Variants in SLIT3 observed in about 807,000 individuals in gnomAD.
SLIT3 encodes the protein slit homolog 3 protein.
A neutral mutation model predicts 184.0 loss-of-function variants in SLIT3; 68 were observed. The observed-to-expected ratio is 0.37, with a 90% confidence interval of 0.30 to 0.45. SLIT3 has a LOEUF of 0.45. Ranked by LOEUF, SLIT3 falls within the 20% of genes least tolerant of loss-of-function variation. The pLI is 1.00. For missense variants in SLIT3, 1,707 were observed against 2,026.0 expected, an observed-to-expected ratio of 0.84 and a Z score of 3.02; for synonymous variants, 831 against 828.6, an observed-to-expected ratio of 1.00 and a Z score of -0.05.
rs943968205 is a variant in SLIT3 at position 169,161,814 on chromosome 5, G to A, written c.413+31665C>T. The stretch of plus-strand genomic sequence containing the variant: ...AGGGTGGGGCCTCAGGAGCCAGGCT[G>A]TCTGGATTATAGCCCAGCTCTGCAC... On this transcript the variant is annotated intron_variant, in intron 4 of 35. Coordinates refer to ENST00000519560, the MANE Select transcript of SLIT3 (RefSeq NM_003062.4). Among the ~76,000 whole-genome samples, 8 of 152,306 alleles carry A rather than the reference G, an allele frequency of 5.3e-5. 1 individual carries two copies. Among genetic ancestry groups the A allele is most frequent in the Admixed American group, 6.5e-5 (1 of 15,302 alleles).
chr5:169,168,988 T>A (rs1434919874), intron 4 of SLIT3, among the ~76,000 whole-genome samples: 1 of 152,196 alleles, frequency 6.6e-6, no homozygotes, highest in African/African-American at 2.4e-5. Flanking sequence ...AGGCATTCAC[T>A]TAGGATTCAT....
At chr5:169,208,658 A>G (rs1227843476) in intron 3 of SLIT3, among the ~76,000 whole-genome samples, 2 of 152,240 alleles carry the variant, frequency 1.3e-5, no homozygotes, top group Non-Finnish European at 2.9e-5. Context: ...GAACGTTGAC[A>G]AACCTAACAA....
chr5:168,746,450 CAGTGTGTGGTGGTGTGCGGT>C (rs1763821207), intron 20 of SLIT3, among the ~76,000 whole-genome samples: 1 of 41,590 alleles, frequency 2.4e-5, no homozygotes, highest in Non-Finnish European at 4.4e-5. Flanking sequence ...GTGGGTGTGG[CAGTGTGTGGTGGTGTGCGGT>C]GGTGTGGGTG....
intron 4 of SLIT3, among the ~76,000 whole-genome samples, chr5:169,102,606 C>T (rs1760061662): frequency 6.6e-6 from 1 of 151,912 alleles, no homozygotes; most frequent in Non-Finnish European, 1.5e-5. Context: ...TTTTGATCTG[C>T]AGTTGGTTGA....
chr5:169,155,729 C>T (rs1047106516), intron 4 of SLIT3, among the ~76,000 whole-genome samples: 3 of 152,218 alleles, frequency 2.0e-5, no homozygotes, highest in Admixed American at 2.0e-4. Flanking sequence ...AGGCATAGCC[C>T]TCCAATTCTC....
intron 4 of SLIT3, among the ~76,000 whole-genome samples, chr5:168,976,940 C>G (rs1263771388): frequency 6.6e-6 from 1 of 152,142 alleles, no homozygotes; most frequent in Non-Finnish European, 1.5e-5. Flanking sequence ...AGCCAACACA[C>G]ACCAGGGAGG....
intron 3 of SLIT3, among the ~76,000 whole-genome samples, chr5:169,194,050 T>G (rs1261374279): frequency 6.6e-6 from 1 of 151,778 alleles, no homozygotes; most frequent in Non-Finnish European, 1.5e-5. Flanking sequence ...TTGGGCAACA[T>G]GGTGAAACCC....
chr5:168,941,184 G>C (rs919826735), intron 4 of SLIT3, among the ~76,000 whole-genome samples: 1 of 152,120 alleles, frequency 6.6e-6, no homozygotes, highest in Non-Finnish European at 1.5e-5. Flanking sequence ...CTTCCACAAA[G>C]TTTGGGATTG....
chr5:169,077,663 T>G (rs1226348199), intron 4 of SLIT3, among the ~76,000 whole-genome samples: 1 of 152,072 alleles, frequency 6.6e-6, no homozygotes, highest in Non-Finnish European at 1.5e-5. Context: ...TTTCGGGGAG[T>G]CAAAAGTTAA....
At chr5:168,708,126 T>C in intron 25 of SLIT3, 26 bp from the exon 26 acceptor site, 2 of 1,614,140 alleles carry the variant, frequency 1.2e-6, no homozygotes, top group Non-Finnish European at 1.7e-6. Context: ...AGAGTACTGA[T>C]GGCAGGTCCT....
intron 4 of SLIT3, among the ~76,000 whole-genome samples, chr5:169,129,173 A>G (rs778995489): frequency 4.6e-5 from 7 of 152,182 alleles, no homozygotes; most frequent in Non-Finnish European, 7.4e-5. Flanking sequence ...TTTTTGCACC[A>G]GGAGAGCACG....
intron 14 of SLIT3, among the ~76,000 whole-genome samples, chr5:168,767,044 C>A (rs1348259033): frequency 6.6e-6 from 1 of 152,198 alleles, no homozygotes; most frequent in East Asian, 1.9e-4. Context: ...AGTTAGCTAA[C>A]CTCTCTGAGC....
chr5:169,066,825 A>G (rs1038242653), intron 4 of SLIT3, among the ~76,000 whole-genome samples: 2 of 152,188 alleles, frequency 1.3e-5, no homozygotes, highest in Admixed American at 6.5e-5. Context: ...AAGTTATGGT[A>G]CATTTATATA....
intron 6 of SLIT3, among the ~76,000 whole-genome samples, chr5:168,827,444 A>G (rs909812485): frequency 6.6e-6 from 1 of 152,190 alleles, no homozygotes; most frequent in African/African-American, 2.4e-5. Flanking sequence ...TTTTTTAAAA[A>G]ATATATTTGA....
intron 3 of SLIT3, among the ~76,000 whole-genome samples, chr5:169,237,613 G>A (rs559264301): frequency 2.6e-5 from 4 of 152,128 alleles, no homozygotes; most frequent in Non-Finnish European, 5.9e-5. Context: ...TAGGTGTGTA[G>A]TAGTATCTCA....
At chr5:169,193,093 G>C (rs986461640) in intron 4 of SLIT3, among the ~76,000 whole-genome samples, 1 of 152,146 alleles carries the variant, frequency 6.6e-6, no homozygotes, top group African/African-American at 2.4e-5. Flanking sequence ...TGCCATGTTC[G>C]GTCCAAACCG....
chr5:169,136,417 A>C (rs1360415640), intron 4 of SLIT3, among the ~76,000 whole-genome samples: 1 of 152,184 alleles, frequency 6.6e-6, no homozygotes, highest in East Asian at 1.9e-4. Context: ...GACTCCTGCC[A>C]CTAAGCACAG....
At chr5:168,691,736 G>T (rs1761910846) in intron 29 of SLIT3, among the ~76,000 whole-genome samples, 1 of 152,224 alleles carries the variant, frequency 6.6e-6, no homozygotes, top group African/African-American at 2.4e-5. Flanking sequence ...GACAGAGATT[G>T]CTGGGAGAAG....
chr5:169,020,044 G>A (rs148598495), intron 4 of SLIT3, among the ~76,000 whole-genome samples: 22 of 152,294 alleles, frequency 1.4e-4, no homozygotes, highest in East Asian at 1.9e-4. Flanking sequence ...AAGTTTTATC[G>A]GAAGTCCTGC....
Sources: gnomAD v4.1 joint callset for allele counts (sites outside exome capture counted in the v4.1 genomes callset) on GRCh38, gnomAD v4.1.1 for gene constraint, MANE v1.5 for transcripts, NCBI Gene and HGNC (gene_info 2026-07-23, HGNC 2026-07-21) for gene names.